Variants in CDK19 observed in about 807,000 individuals in gnomAD.
CDK19 encodes cyclin dependent kinase 19, also known as cyclin-dependent kinase 19.
CDK19 carries 20 observed loss-of-function variants against 68.3 expected under a neutral mutation model. That is an observed-to-expected ratio of 0.29 (90% CI 0.21 to 0.43). The LOEUF is 0.43. Among genes scored for constraint, CDK19 ranks in the 20% least tolerant of loss-of-function variants. The pLI is 1.00. For synonymous variants in CDK19, 221 were observed against 222.8 expected (o/e 0.99, Z 0.07); for missense variants, 339 against 623.5 (o/e 0.54, Z 4.86).
chr6:110,711,072 G>T (rs1173365143), intron 2 of CDK19, among the ~76,000 whole-genome samples: 1 of 151,970 alleles, frequency 6.6e-6, no homozygotes, highest in African/African-American at 2.4e-5. Flanking sequence ...TGTAATAAAT[G>T]AGTTATTTTA....
chr6:110,622,684 C>T, intron 10 of CDK19, 131 bp downstream of exon 10: 1 of 635,458 alleles, frequency 1.6e-6, no homozygotes, highest in Non-Finnish European at 2.8e-6. Context: ...TGGAAGCTTG[C>T]TCTTGAGCAG....
Position 110,675,085 on chromosome 6 carries a change from A to C in CDK19, c.205-4544T>G, listed in dbSNP as rs567036448. On this transcript the variant is annotated intron_variant, in intron 2 of 12. Coordinates refer to ENST00000368911, the MANE Select transcript of CDK19 (RefSeq NM_015076.5). ...AAAGTGCAAGGTGATACAGCAAGTT[A>C]TCCAAAAGATCTAGCTAAGATCATT... Among the ~76,000 whole-genome samples, 8 of 152,298 alleles carry C rather than the reference A, an allele frequency of 5.3e-5. No homozygotes were observed. The South Asian group carries it at 1.7e-3, about 32-fold the overall frequency.
Position 110,673,548 on chromosome 6 carries a change from A to C in CDK19, c.205-3007T>G, listed in dbSNP as rs181404162. On this transcript the variant is annotated intron_variant, in intron 2 of 12. Transcript: ENST00000368911. ...ATAGGTCATTTTTGTAAAAAAAAAAAAACTTTTTTTGTAGAGATAGAGTCT... is the reference window on the plus strand; with the variant it reads ...ATAGGTCATTTTTGTAAAAAAAAAACAACTTTTTTTGTAGAGATAGAGTCT... Among the ~76,000 whole-genome samples the C allele has an allele frequency of 2.6e-3, 394 of 152,194 alleles. 2 individuals are homozygous for C. Among genetic ancestry groups the C allele is most frequent in the African/African-American group, 8.6e-3 (359 of 41,558 alleles).
At chr6:110,738,474 C>T (rs1184916768) in intron 2 of CDK19, among the ~76,000 whole-genome samples, 2 of 151,914 alleles carry the variant, frequency 1.3e-5, no homozygotes, top group African/African-American at 2.4e-5. Flanking sequence ...GAGCCGAGAT[C>T]GCGCCACTGC....
intron 1 of CDK19, among the ~76,000 whole-genome samples, chr6:110,787,191 T>C (rs961243181): frequency 4.6e-5 from 7 of 152,096 alleles, no homozygotes; most frequent in Non-Finnish European, 5.9e-5. Context: ...TTGGCCAACA[T>C]GGTGAAACCC....
chr6:110,815,281 G>C lies in CDK19; in HGVS notation c.-145C>G, dbSNP rs1483422643. On this transcript the variant is annotated 5_prime_UTR_variant, in exon 1 of 13. Coordinates refer to ENST00000368911, the MANE Select transcript of CDK19 (RefSeq NM_015076.5). The stretch of plus-strand genomic sequence containing the variant: ...CGCCGCCCGCCGCCCGCCGCTCCGC[G>C]GTCCGCCTTCAGCAAGGGACTCCTC... 2.1e-6 allele frequency: 2 copies of C among 952,086 alleles called. No homozygotes were observed. The highest frequency in any genetic ancestry group is 2.6e-5 in the South Asian group (1 of 37,770). 59.0% of individuals were successfully genotyped at this position (952,086 alleles called of 1,614,324 possible).
chr6:110,815,722 G>T (rs1345888385), upstream of CDK19: 1 of 152,614 alleles, frequency 6.6e-6, no homozygotes, highest in Non-Finnish European at 1.5e-5. Flanking sequence ...GGAGACACTG[G>T]AAAGAAGTGC....
At chr6:110,801,003 T>C (rs1392541247) in intron 1 of CDK19, among the ~76,000 whole-genome samples, 2 of 152,058 alleles carry the variant, frequency 1.3e-5, no homozygotes. Flanking sequence ...AAAGAGGAAG[T>C]CAAATTATCT....
chr6:110,733,828 T>G (rs2114809692), intron 2 of CDK19, among the ~76,000 whole-genome samples: 1 of 152,264 alleles, frequency 6.6e-6, no homozygotes, highest in African/African-American at 2.4e-5. Context: ...TTTTCTATCT[T>G]CAAGTGTTTA....
At chr6:110,759,518 G>A (rs1562265303) in intron 1 of CDK19, among the ~76,000 whole-genome samples, 1 of 147,856 alleles carries the variant, frequency 6.8e-6, no homozygotes, top group African/African-American at 2.5e-5. Context: ...CAGTAGGATA[G>A]CTTGATCCTG....
chr6:110,793,355 G>T (rs1562293207), intron 1 of CDK19, among the ~76,000 whole-genome samples: 1 of 152,058 alleles, frequency 6.6e-6, no homozygotes, highest in African/African-American at 2.4e-5. Flanking sequence ...TTTCTCTGTG[G>T]TGTTTTCCTA....
At chr6:110,701,706 AC>A (rs936737079) in intron 2 of CDK19, among the ~76,000 whole-genome samples, 1 of 152,262 alleles carries the variant, frequency 6.6e-6, no homozygotes, top group African/African-American at 2.4e-5. Context: ...AGCAATGGAG[AC>A]ATATTTTTCA....
intron 2 of CDK19, among the ~76,000 whole-genome samples, chr6:110,724,619 A>G (rs929398631): frequency 5.9e-5 from 9 of 152,226 alleles, no homozygotes; most frequent in African/African-American, 2.2e-4. Context: ...GTTTAGGCAC[A>G]ACAAGATAAT....
chr6:110,631,978 A>G, intron 6 of CDK19, 52 bp downstream of exon 6: 5 of 1,509,448 alleles, frequency 3.3e-6, no homozygotes, highest in Non-Finnish European at 9.1e-7. Flanking sequence ...ATACCATTTT[A>G]TATTTATGAT....
chr6:110,673,633 C>T (rs139894209), intron 2 of CDK19, among the ~76,000 whole-genome samples: 2,271 of 151,972 alleles, frequency 0.015, 33 homozygotes, highest in Admixed American at 0.027. Context: ...ATACACACAA[C>T]ATTTATAGAT....
chr6:110,762,962 C>T (rs1332457141), intron 1 of CDK19, among the ~76,000 whole-genome samples: 1 of 152,168 alleles, frequency 6.6e-6, no homozygotes, highest in Non-Finnish European at 1.5e-5. Flanking sequence ...ACTTCACTGG[C>T]TATCTGCCTT....
chr6:110,798,779 G>A (rs949500459), intron 1 of CDK19, among the ~76,000 whole-genome samples: 1 of 151,352 alleles, frequency 6.6e-6, no homozygotes. Context: ...TCAAGTATGA[G>A]AACAAAATAC....
intron 2 of CDK19, among the ~76,000 whole-genome samples, chr6:110,715,855 A>C (rs539543850): frequency 6.6e-6 from 1 of 152,236 alleles, no homozygotes; most frequent in Non-Finnish European, 1.5e-5. Flanking sequence ...AGCAGTTTGC[A>C]TTTCAAAACA....
chr6:110,755,946 G>A (rs1003025973), intron 1 of CDK19, among the ~76,000 whole-genome samples: 1 of 151,998 alleles, frequency 6.6e-6, no homozygotes. Flanking sequence ...GACTCAAGAG[G>A]CATTTCAGAG....
Sources: gnomAD v4.1 joint callset for allele counts (sites outside exome capture counted in the v4.1 genomes callset) on GRCh38, gnomAD v4.1.1 for gene constraint, MANE v1.5 for transcripts, NCBI Gene and HGNC (gene_info 2026-07-23, HGNC 2026-07-21) for gene names.